CAMTA1: variants seen among roughly 807,000 people sequenced by gnomAD.
The protein encoded by CAMTA1 is calmodulin-binding transcription activator 1.
Under a neutral mutation model 170.9 loss-of-function variants are expected in CAMTA1, and 27 were observed. That is an observed-to-expected ratio of 0.16 (90% CI 0.12 to 0.22). CAMTA1 has a LOEUF of 0.22. Ranked by LOEUF, CAMTA1 falls within the 10% of genes least tolerant of loss-of-function variation. The pLI is 1.00. For missense variants in CAMTA1, 1,619 were observed against 2,217.2 expected (o/e 0.73, Z 5.42); for synonymous variants, 833 against 891.5 (o/e 0.93, Z 1.17).
intron 6 of CAMTA1, among the ~76,000 whole-genome samples, chr1:7,601,714 G>A (rs553011817): frequency 6.4e-4 from 97 of 152,362 alleles, no homozygotes; most frequent in African/African-American, 2.2e-3. Flanking sequence ...CGAGGCTGGC[G>A]GATCCCTCGC....
At chr1:7,439,932 G>C (rs1018914309) in intron 5 of CAMTA1, among the ~76,000 whole-genome samples, 4 of 152,250 alleles carry the variant, frequency 2.6e-5, no homozygotes, top group African/African-American at 9.6e-5. Flanking sequence ...CAGTGAGCTC[G>C]GAGATCCCTT....
At chr1:7,025,668 A>C (rs1212172899) in intron 3 of CAMTA1, among the ~76,000 whole-genome samples, 1 of 152,172 alleles carries the variant, frequency 6.6e-6, no homozygotes, top group Non-Finnish European at 1.5e-5. Flanking sequence ...TGCTGATTTC[A>C]ATGAACTAGA....
rs577616481 is a variant in CAMTA1 at position 7,085,279 on chromosome 1, G to A, written c.235-6025G>A. ...GGAACAGTGCTGTGTGACCTCTCACGTAGGGCCCGAGCCTCGATGGCAACT... is the reference window on the plus strand; with the variant it reads ...GGAACAGTGCTGTGTGACCTCTCACATAGGGCCCGAGCCTCGATGGCAACT... On this transcript the variant is annotated intron_variant, in intron 3 of 22. Transcript: ENST00000303635. Among the ~76,000 whole-genome samples the A allele has an allele frequency of 7.9e-5, 12 of 152,338 alleles. 1 individual carries two copies. The South Asian group carries it at 1.9e-3, about 24-fold the overall frequency.
At chr1:7,696,172 C>T (rs1416371174) in intron 11 of CAMTA1, among the ~76,000 whole-genome samples, 2 of 116,528 alleles carry the variant, frequency 1.7e-5, no homozygotes, top group Non-Finnish European at 3.6e-5. Flanking sequence ...TTAATTAGAT[C>T]TCTAAGTTTT....
intron 5 of CAMTA1, among the ~76,000 whole-genome samples, chr1:7,295,476 C>T (rs145510360): frequency 5.3e-5 from 8 of 152,184 alleles, no homozygotes; most frequent in Non-Finnish European, 1.0e-4. Flanking sequence ...GCGTTCTAGG[C>T]ACCTGGTAAG....
intron 3 of CAMTA1, among the ~76,000 whole-genome samples, chr1:6,895,775 CAGAG>C (rs1293705012): frequency 2.6e-5 from 4 of 152,200 alleles, no homozygotes; most frequent in African/African-American, 9.7e-5. Context: ...GTTATATCCT[CAGAG>C]AGACCCTCCC....
chr1:7,624,208 G>T (rs1265963122), intron 6 of CAMTA1, among the ~76,000 whole-genome samples: 1 of 152,258 alleles, frequency 6.6e-6, no homozygotes, highest in Admixed American at 6.5e-5. Flanking sequence ...CCTTGCGCCT[G>T]TGCAGAGATG....
At chr1:6,849,871 C>CG (rs1434901841) in intron 3 of CAMTA1, among the ~76,000 whole-genome samples, 1 of 145,094 alleles carries the variant, frequency 6.9e-6, no homozygotes, top group Non-Finnish European at 1.5e-5. Context: ...CCCGTCTCTA[C>CG]TAAAAATACA....
chr1:7,217,498 A>G (rs1308600502), intron 4 of CAMTA1, among the ~76,000 whole-genome samples: 2 of 152,200 alleles, frequency 1.3e-5, no homozygotes, highest in Admixed American at 6.5e-5. Flanking sequence ...TTTCATAAGT[A>G]AACCCATTCA....
intron 3 of CAMTA1, among the ~76,000 whole-genome samples, chr1:6,848,508 C>T (rs1048371501): frequency 9.9e-5 from 15 of 152,196 alleles, no homozygotes; most frequent in African/African-American, 3.6e-4. Flanking sequence ...TGCAGTTACC[C>T]TGTGGACCAT....
intron 11 of CAMTA1, among the ~76,000 whole-genome samples, chr1:7,703,070 C>T (rs1336041180): frequency 6.6e-6 from 1 of 152,190 alleles, no homozygotes; most frequent in African/African-American, 2.4e-5. Context: ...TGATGACTAC[C>T]CTTTCATTGC....
intron 5 of CAMTA1, among the ~76,000 whole-genome samples, chr1:7,340,391 C>G (rs958620609): frequency 6.6e-6 from 1 of 152,148 alleles, no homozygotes; most frequent in African/African-American, 2.4e-5. Context: ...GTGCTTCATG[C>G]AGCCAGATTC....
intron 6 of CAMTA1, among the ~76,000 whole-genome samples, chr1:7,624,719 A>G (rs1369378556): frequency 2.0e-5 from 3 of 152,132 alleles, no homozygotes; most frequent in Non-Finnish European, 4.4e-5. Context: ...CAGGGAATAC[A>G]TTTCCTTCTG....
chr1:7,739,919 C>G (rs1313660820), intron 16 of CAMTA1, among the ~76,000 whole-genome samples: 1 of 152,154 alleles, frequency 6.6e-6, no homozygotes, highest in African/African-American at 2.4e-5. Flanking sequence ...TCGGTGAGGA[C>G]AGCCAAACCA....
At chr1:6,804,053 G>T (rs905932984) in intron 1 of CAMTA1, among the ~76,000 whole-genome samples, 1 of 152,052 alleles carries the variant, frequency 6.6e-6, no homozygotes. Context: ...GCATGGTGGC[G>T]GGTGCCAGTA....
intron 3 of CAMTA1, among the ~76,000 whole-genome samples, chr1:6,925,216 T>C (rs1315990960): frequency 3.9e-5 from 6 of 152,226 alleles, no homozygotes; most frequent in Admixed American, 3.9e-4. Flanking sequence ...AATGGGGCCA[T>C]GAGGCCTCTA....
chr1:7,566,163 T>C (rs2095039017), intron 6 of CAMTA1, among the ~76,000 whole-genome samples: 1 of 152,200 alleles, frequency 6.6e-6, no homozygotes, highest in Non-Finnish European at 1.5e-5. Flanking sequence ...GGATCCTGCC[T>C]GTGCTCTCTA....
chr1:6,999,722 C>T (rs541278490), intron 3 of CAMTA1, among the ~76,000 whole-genome samples: 65 of 152,180 alleles, frequency 4.3e-4, no homozygotes, highest in African/African-American at 1.6e-3. Context: ...GGTTATTTTT[C>T]CCTGTGAGCC....
intron 3 of CAMTA1, among the ~76,000 whole-genome samples, chr1:6,982,382 G>T (rs1052878386): frequency 3.3e-5 from 5 of 152,190 alleles, no homozygotes; most frequent in Non-Finnish European, 1.5e-5. Context: ...TCCCATGCTG[G>T]CCACAGGCAA....
Sources: allele counts gnomAD v4.1 joint callset (sites outside exome capture counted in the v4.1 genomes callset), GRCh38; gene constraint gnomAD v4.1.1; transcripts MANE v1.5; gene names NCBI Gene and HGNC (gene_info 2026-07-23, HGNC 2026-07-21).